The following CD1B variants were observed in gnomAD, a reference collection of about 807,000 sequenced individuals.
The protein encoded by CD1B is T-cell surface glycoprotein CD1b.
CD1B carries 43 observed loss-of-function variants against 39.8 expected under a neutral mutation model. The observed-to-expected ratio is 1.08, with a 90% CI of 0.85 to 1.39. The LOEUF is 1.39. Ranked by LOEUF, CD1B falls within the 40% of genes most tolerant of loss-of-function variation. The pLI, the probability that CD1B is intolerant of heterozygous loss-of-function variation, is 0.00. For synonymous variants in CD1B, 192 were observed against 152.5 expected (o/e 1.26, Z -1.91); for missense variants, 495 against 403.8 (o/e 1.23, Z -1.94).
intron 2 of CD1B, chr1:158,330,567 C>A (rs993511304): frequency 7.2e-6 from 5 of 691,806 alleles, no homozygotes; most frequent in Non-Finnish European, 8.0e-6. Flanking sequence ...CAGCTGGTTA[C>A]AAAGTGGAAG....
At chr1:158,311,050 C>T in the CD1B span, among the ~76,000 whole-genome samples, 4 of 152,048 alleles carry the variant, frequency 2.6e-5, no homozygotes, top group Non-Finnish European at 5.9e-5. Context: ...GCTGCCGAAC[C>T]TAAAATAAGA....
At chr1:158,304,644 A>G in the CD1B span, among the ~76,000 whole-genome samples, 1 of 152,172 alleles carries the variant, frequency 6.6e-6, no homozygotes, top group African/African-American at 2.4e-5. Context: ...TGACTCCTCA[A>G]GTGGGTCACT....
the CD1B span, among the ~76,000 whole-genome samples, chr1:158,300,653 T>A: frequency 6.6e-6 from 1 of 152,150 alleles, no homozygotes; most frequent in Non-Finnish European, 1.5e-5. Context: ...ATTATATGAA[T>A]CTGGGTGCTC....
At chr1:158,289,613 C>T in the CD1B span, among the ~76,000 whole-genome samples, 2 of 152,064 alleles carry the variant, frequency 1.3e-5, no homozygotes, top group African/African-American at 4.8e-5. Context: ...GAAGAGGGGA[C>T]ACTATGGAGA....
At chr1:158,286,923 AG>A in the CD1B span, among the ~76,000 whole-genome samples, 1 of 152,138 alleles carries the variant, frequency 6.6e-6, no homozygotes, top group South Asian at 2.1e-4. Context: ...AAACTGGGCA[AG>A]TATATATCAG....
At chr1:158,293,650 A>G in the CD1B span, 14 of 1,473,790 alleles carry the variant, frequency 9.5e-6, no homozygotes, top group Non-Finnish European at 1.2e-5. Flanking sequence ...TGGAATCTCC[A>G]CTTTTTATAT....
At chr1:158,289,835 G>A in the CD1B span, 2 of 470,422 alleles carry the variant, frequency 4.3e-6, no homozygotes, top group South Asian at 3.7e-5. Context: ...TGGCAGAGCA[G>A]CTGGAATCCT....
the CD1B span, among the ~76,000 whole-genome samples, chr1:158,306,213 C>T: frequency 6.6e-6 from 1 of 151,832 alleles, no homozygotes; most frequent in African/African-American, 2.4e-5. Flanking sequence ...CACATAGGCT[C>T]AAAATAAAGG....
chr1:158,320,007 C>T, the CD1B span, among the ~76,000 whole-genome samples: 1 of 152,230 alleles, frequency 6.6e-6, no homozygotes, highest in Admixed American at 6.5e-5. Flanking sequence ...CTTGAGGAGG[C>T]AGTCTGCCCG....
chr1:158,291,260 GC>G, the CD1B span: 7 of 1,614,056 alleles, frequency 4.3e-6, no homozygotes, highest in Non-Finnish European at 5.9e-6. Flanking sequence ...AGTGAATCAG[GC>G]ACAATAATTT....
At chr1:158,313,113 T>A in the CD1B span, among the ~76,000 whole-genome samples, 3 of 148,760 alleles carry the variant, frequency 2.0e-5, no homozygotes, top group Non-Finnish European at 4.5e-5. Context: ...GATTACGTGC[T>A]TTTGTCCTTT....
chr1:158,297,628 GAC>G, the CD1B span, among the ~76,000 whole-genome samples: 3 of 152,036 alleles, frequency 2.0e-5, no homozygotes, highest in Admixed American at 2.0e-4. Context: ...AACACCCCAA[GAC>G]ACAGAGTGGC....
At chr1:158,292,187 C>A in the CD1B span, 2 of 1,614,026 alleles carry the variant, frequency 1.2e-6, no homozygotes, top group Non-Finnish European at 1.7e-6. Context: ...TACTGAGTTT[C>A]CAGAATACAA....
the CD1B span, among the ~76,000 whole-genome samples, chr1:158,315,736 C>A: frequency 6.6e-6 from 1 of 152,102 alleles, no homozygotes; most frequent in Non-Finnish European, 1.5e-5. Flanking sequence ...CTTGCCCATG[C>A]CTATGTCCTG....
At chr1:158,318,094 A>G in the CD1B span, among the ~76,000 whole-genome samples, 3 of 152,136 alleles carry the variant, frequency 2.0e-5, no homozygotes, top group East Asian at 3.8e-4. Flanking sequence ...TATGTGATCA[A>G]TTTTGGAATA....
At chr1:158,292,659 G>C in the CD1B span, 22 of 1,613,730 alleles carry the variant, frequency 1.4e-5, no homozygotes, top group Non-Finnish European at 1.6e-5. Context: ...TTGCTGGTTT[G>C]TCATGCCTCC....
At chr1:158,317,222 G>T in the CD1B span, among the ~76,000 whole-genome samples, 832 of 151,870 alleles carry the variant, frequency 5.5e-3, 9 homozygotes, top group African/African-American at 0.019. Context: ...GATTGGAATA[G>T]TTTCAGAAGG....
In CD1B at chr1:158,328,023, G is replaced by C; in HGVS notation, c.*213C>G. ...AACATTTTAATGTGTGTAAAATCAGGGTGAATCACACTGTTAGTACAGTCT... is the reference window on the plus strand; with the variant it reads ...AACATTTTAATGTGTGTAAAATCAGCGTGAATCACACTGTTAGTACAGTCT... On this transcript the variant is annotated 3_prime_UTR_variant, in exon 6 of 6. Coordinates refer to ENST00000368168, the MANE Select transcript of CD1B (RefSeq NM_001764.3). 2.2e-6 allele frequency: 1 copy of C among 464,822 alleles called. No homozygotes were observed. Among genetic ancestry groups the C allele is most frequent in the Non-Finnish European group, 3.8e-6 (1 of 261,740 alleles). The allele number at this position is 464,822 out of a possible 1,614,324, so 28.8% of individuals were successfully genotyped here. A position where few individuals can be genotyped will look rare whatever the true frequency, so the allele number is the denominator to read the frequency against.
chr1:158,291,854 A>G, the CD1B span, among the ~76,000 whole-genome samples: 1 of 151,594 alleles, frequency 6.6e-6, no homozygotes, highest in African/African-American at 2.4e-5. Flanking sequence ...TCATTTTTCC[A>G]CATCTTCCTT....
Sources: allele counts gnomAD v4.1 joint callset (sites outside exome capture counted in the v4.1 genomes callset), GRCh38; gene constraint gnomAD v4.1.1; transcripts MANE v1.5; gene names NCBI Gene and HGNC (gene_info 2026-07-23, HGNC 2026-07-21).